The following TRHDE variants were observed in gnomAD, a reference collection of about 807,000 sequenced individuals.
The protein encoded by TRHDE is thyrotropin releasing hormone degrading enzyme, also known as thyrotropin-releasing hormone-degrading ectoenzyme.
A neutral mutation model predicts 125.7 loss-of-function variants in TRHDE; 72 were observed. That is an observed-to-expected ratio of 0.57 (90% CI 0.47 to 0.70). The LOEUF is 0.70. Ranked by LOEUF, TRHDE falls within the 30% of genes least tolerant of loss-of-function variation. The pLI, the probability that TRHDE is intolerant of heterozygous loss-of-function variation, is 0.00. For synonymous variants in TRHDE, 509 were observed against 509.1 expected, an observed-to-expected ratio of 1.00 and a Z score of 0.00; for missense variants, 1,110 against 1,327.1, an observed-to-expected ratio of 0.84 and a Z score of 2.54.
intron 6 of TRHDE, among the ~76,000 whole-genome samples, chr12:72,519,013 C>G (rs1418036369): frequency 6.6e-6 from 1 of 152,240 alleles, no homozygotes; most frequent in African/African-American, 2.4e-5. Context: ...GCCGAGAGAT[C>G]TGCTGTTAGT....
chr12:72,518,718 T>C (rs1442326512), intron 6 of TRHDE, among the ~76,000 whole-genome samples: 2 of 152,174 alleles, frequency 1.3e-5, no homozygotes, highest in Non-Finnish European at 2.9e-5. Context: ...TGCTCGTTAG[T>C]TGATGCAGTT....
At chr12:72,332,817 C>T (rs764678814) in intron 2 of TRHDE, among the ~76,000 whole-genome samples, 2 of 152,150 alleles carry the variant, frequency 1.3e-5, no homozygotes, top group Non-Finnish European at 2.9e-5. Context: ...GGCATCATCT[C>T]GGAGTTTGTT....
intron 1 of TRHDE, among the ~76,000 whole-genome samples, chr12:72,285,637 C>G (rs1225477138): frequency 3.3e-5 from 5 of 151,138 alleles, no homozygotes; most frequent in African/African-American, 1.2e-4. Flanking sequence ...TCTCCTGCCT[C>G]AGCCTTCCGA....
chr12:72,223,272 A>G (rs1384798163), intron 2 of TRHDE, among the ~76,000 whole-genome samples: 4 of 152,106 alleles, frequency 2.6e-5, no homozygotes, highest in Non-Finnish European at 4.4e-5. Flanking sequence ...CTGGGATCTG[A>G]AATTGGTGAT....
chr12:72,205,588 A>G (rs1427268783), intron 2 of TRHDE, among the ~76,000 whole-genome samples: 6 of 152,186 alleles, frequency 3.9e-5, no homozygotes, highest in Non-Finnish European at 8.8e-5. Context: ...TAGATATCCC[A>G]TGTAAGTAGA....
At chr12:72,583,823 G>A (rs998621170) in intron 12 of TRHDE, among the ~76,000 whole-genome samples, 8 of 151,996 alleles carry the variant, frequency 5.3e-5, no homozygotes, top group African/African-American at 1.7e-4. Flanking sequence ...TGTTGTCCTT[G>A]GGATGAGGAT....
intron 12 of TRHDE, among the ~76,000 whole-genome samples, chr12:72,584,412 C>T (rs952818679): frequency 6.6e-6 from 1 of 151,876 alleles, no homozygotes; most frequent in Non-Finnish European, 1.5e-5. Context: ...GAGAACACAA[C>T]ATTCACTCTC....
intron 2 of TRHDE, chr12:72,254,996 C>G (rs950373854): frequency 9.9e-5 from 15 of 152,238 alleles, no homozygotes; most frequent in African/African-American, 2.9e-4. Context: ...CACTCTTGAA[C>G]CTTCTTCAGT....
At chr12:72,376,828 T>A (rs1028254080) in intron 2 of TRHDE, among the ~76,000 whole-genome samples, 1 of 152,162 alleles carries the variant, frequency 6.6e-6, no homozygotes, top group African/African-American at 2.4e-5. Context: ...ACAAATTTCT[T>A]TTTTTATTGA....
intron 6 of TRHDE, among the ~76,000 whole-genome samples, chr12:72,508,067 A>G (rs189103207): frequency 6.6e-6 from 1 of 152,314 alleles, no homozygotes; most frequent in East Asian, 1.9e-4. Context: ...TAGATTTCAG[A>G]GGATGTGTGA....
intron 5 of TRHDE, among the ~76,000 whole-genome samples, chr12:72,478,315 A>G (rs1001641678): frequency 2.6e-5 from 4 of 152,160 alleles, no homozygotes; most frequent in Admixed American, 2.6e-4. Context: ...AGTGGAAAGC[A>G]TGCCTGTTTG....
At chr12:72,211,535 G>A (rs1343307539) in intron 2 of TRHDE, among the ~76,000 whole-genome samples, 1 of 152,122 alleles carries the variant, frequency 6.6e-6, no homozygotes, top group Non-Finnish European at 1.5e-5. Flanking sequence ...AGTGATCAAA[G>A]AACAACAGTG....
intron 17 of TRHDE, among the ~76,000 whole-genome samples, chr12:72,654,832 T>TAATAGC (rs1297665519): frequency 3.9e-5 from 6 of 152,164 alleles, no homozygotes; most frequent in African/African-American, 1.4e-4. Context: ...TTCCCAGTAC[T>TAATAGC]CTTACAATAA....
rs1266168760 is a variant in TRHDE, at chr12:72,668,247, AT to A, written c.*5056del. ...TTTTATTTTTATTTTGTGAAATTTT[AT>A]TTTAAAGTTTAGGTAAGGAAAGTTT... On this transcript the variant is annotated 3_prime_UTR_variant, in exon 19 of 19. Transcript: ENST00000261180. 6.6e-6 allele frequency: 1 copy of A among 151,712 alleles called. No homozygotes were observed. The highest frequency in any genetic ancestry group is 1.5e-5 in the Non-Finnish European group (1 of 67,744). 9.4% of individuals were successfully genotyped at this position (151,712 alleles called of 1,614,324 possible).
intron 2 of TRHDE, among the ~76,000 whole-genome samples, chr12:72,363,022 G>C (rs1871175166): frequency 6.6e-6 from 1 of 151,856 alleles, no homozygotes. Context: ...TTGTTCTTTT[G>C]GCTTAGGATT....
chr12:72,528,542 G>GTC (rs1274628512), intron 6 of TRHDE, among the ~76,000 whole-genome samples: 2 of 151,890 alleles, frequency 1.3e-5, no homozygotes, highest in African/African-American at 4.8e-5. Flanking sequence ...TTGAGACGGA[G>GTC]TCTCGCTTTG....
At chr12:72,612,633 T>G (rs1382713779) in intron 12 of TRHDE, among the ~76,000 whole-genome samples, 2 of 152,190 alleles carry the variant, frequency 1.3e-5, no homozygotes, top group African/African-American at 2.4e-5. Flanking sequence ...ATGCTTAGTA[T>G]AAGTATTCTA....
intron 6 of TRHDE, among the ~76,000 whole-genome samples, chr12:72,523,647 G>A (rs1456270036): frequency 6.6e-6 from 1 of 152,074 alleles, no homozygotes; most frequent in Non-Finnish European, 1.5e-5. Flanking sequence ...ACTTCAGATT[G>A]CATTGATTTA....
intron 2 of TRHDE, among the ~76,000 whole-genome samples, chr12:72,155,031 C>T (rs2139324197): frequency 6.6e-6 from 1 of 152,310 alleles, no homozygotes; most frequent in Non-Finnish European, 1.5e-5. Flanking sequence ...TCAGGTACAC[C>T]AATCAGACGT....
Sources: gnomAD v4.1 joint callset for allele counts (sites outside exome capture counted in the v4.1 genomes callset) on GRCh38, gnomAD v4.1.1 for gene constraint, MANE v1.5 for transcripts, NCBI Gene and HGNC (gene_info 2026-07-23, HGNC 2026-07-21) for gene names.